EEIG2: variants seen among roughly 807,000 people sequenced by gnomAD.
EEIG2 encodes the protein family with sequence similarity 102 member B.
the EEIG2 span, chr1:108,635,788 A>T: frequency 6.6e-6 from 1 of 152,286 alleles, no homozygotes; most frequent in Admixed American, 6.5e-5. Flanking sequence ...ACGTGAATGG[A>T]TGTAATGCCG....
the EEIG2 span, among the ~76,000 whole-genome samples, chr1:108,607,823 C>T: frequency 6.6e-6 from 1 of 152,190 alleles, no homozygotes; most frequent in African/African-American, 2.4e-5. Context: ...CCCAGGGCCA[C>T]TGCCTCAGGT....
chr1:108,598,660 T>A, the EEIG2 span, among the ~76,000 whole-genome samples: 5 of 152,206 alleles, frequency 3.3e-5, no homozygotes, highest in Admixed American at 6.5e-5. Context: ...ATGGCCAAAG[T>A]TATCATAGTA....
the EEIG2 span, chr1:108,628,087 A>G: frequency 8.1e-7 from 1 of 1,231,536 alleles, no homozygotes; most frequent in Non-Finnish European, 1.2e-6. Flanking sequence ...GGCAGAGTTT[A>G]TAAAGTCTGC....
chr1:108,561,701 C>G, the EEIG2 span, among the ~76,000 whole-genome samples: 2 of 152,218 alleles, frequency 1.3e-5, no homozygotes, highest in South Asian at 4.1e-4. Flanking sequence ...TGTGGTGACA[C>G]ATCAGTGGAT....
chr1:108,635,327 C>A, the EEIG2 span: 1 of 706,802 alleles, frequency 1.4e-6, no homozygotes, highest in Non-Finnish European at 2.4e-6. Context: ...CAAAGGGGAA[C>A]ATCTACATGG....
the EEIG2 span, among the ~76,000 whole-genome samples, chr1:108,616,031 A>G: frequency 5.3e-5 from 8 of 152,000 alleles, no homozygotes; most frequent in African/African-American, 1.9e-4. Context: ...CATTATTTCC[A>G]TTCAGATTTT....
At chr1:108,575,577 A>G in the EEIG2 span, among the ~76,000 whole-genome samples, 9 of 152,222 alleles carry the variant, frequency 5.9e-5, no homozygotes, top group Non-Finnish European at 1.0e-4. Flanking sequence ...CCATCAGTTG[A>G]TGAAAGGATA....
At chr1:108,586,725 T>C in the EEIG2 span, among the ~76,000 whole-genome samples, 3 of 152,184 alleles carry the variant, frequency 2.0e-5, no homozygotes, top group East Asian at 1.9e-4. Context: ...AGGAAGAAGA[T>C]TGAATACTAG....
At chr1:108,615,174 GATCAC>G in the EEIG2 span, among the ~76,000 whole-genome samples, 1 of 152,142 alleles carries the variant, frequency 6.6e-6, no homozygotes, top group African/African-American at 2.4e-5. Flanking sequence ...GCAGCCCTGG[GATCAC>G]ATCTCAGCTC....
the EEIG2 span, among the ~76,000 whole-genome samples, chr1:108,631,847 C>T: frequency 6.6e-6 from 1 of 151,900 alleles, no homozygotes; most frequent in African/African-American, 2.4e-5. Context: ...GACATGGTGG[C>T]TCACACCTGT....
chr1:108,633,000 G>T, the EEIG2 span, among the ~76,000 whole-genome samples: 3 of 144,316 alleles, frequency 2.1e-5, no homozygotes, highest in Non-Finnish European at 3.0e-5. Flanking sequence ...GCCCAGGCTG[G>T]TCTCAAACTC....
chr1:108,619,763 G>A, the EEIG2 span, among the ~76,000 whole-genome samples: 10 of 152,100 alleles, frequency 6.6e-5, no homozygotes, highest in Non-Finnish European at 8.8e-5. Context: ...GTGGTGGTGC[G>A]CCTGTCGTCC....
At chr1:108,632,037 C>A in the EEIG2 span, among the ~76,000 whole-genome samples, 1 of 149,736 alleles carries the variant, frequency 6.7e-6, no homozygotes, top group Non-Finnish European at 1.5e-5. Flanking sequence ...TCACTTGAAC[C>A]CAGGAGGTGG....
chr1:108,622,478 AATTG>A, the EEIG2 span, among the ~76,000 whole-genome samples: 3 of 152,300 alleles, frequency 2.0e-5, no homozygotes, highest in East Asian at 1.9e-4. Context: ...GAGATTTGGA[AATTG>A]ATTGGACATG....
chr1:108,616,973 C>G, the EEIG2 span, among the ~76,000 whole-genome samples: 1 of 152,102 alleles, frequency 6.6e-6, no homozygotes, highest in Non-Finnish European at 1.5e-5. Flanking sequence ...AGGCCCCCCC[C>G]GGTAAAGATG....
the EEIG2 span, among the ~76,000 whole-genome samples, chr1:108,601,943 G>C: frequency 6.6e-6 from 1 of 152,144 alleles, no homozygotes; most frequent in African/African-American, 2.4e-5. Flanking sequence ...CCTGCCCCCA[G>C]GGACTTTACT....
chr1:108,615,963 T>G, the EEIG2 span, among the ~76,000 whole-genome samples: 1 of 152,236 alleles, frequency 6.6e-6, no homozygotes, highest in Non-Finnish European at 1.5e-5. Context: ...ACAGATAGAT[T>G]AGCACAGCCA....
the EEIG2 span, among the ~76,000 whole-genome samples, chr1:108,602,577 C>G: frequency 1.3e-5 from 2 of 151,986 alleles, no homozygotes; most frequent in South Asian, 2.1e-4. Context: ...ACTTGTGTAC[C>G]TATATGAAGA....
At chr1:108,604,880 A>AG in the EEIG2 span, among the ~76,000 whole-genome samples, 6 of 151,048 alleles carry the variant, frequency 4.0e-5, no homozygotes, top group Non-Finnish European at 8.9e-5. Context: ...AAAAAAAAAA[A>AG]AGAGAAAAAA....
Sources: gnomAD v4.1 joint callset for allele counts (sites outside exome capture counted in the v4.1 genomes callset) on GRCh38, gnomAD v4.1.1 for gene constraint, MANE v1.5 for transcripts, NCBI Gene and HGNC (gene_info 2026-07-23, HGNC 2026-07-21) for gene names.